Variants in SORBS2 observed in about 807,000 individuals in gnomAD.
SORBS2 encodes sorbin and SH3 domain-containing protein 2.
SORBS2 carries 46 observed loss-of-function variants against 97.7 expected under a neutral mutation model. The ratio of observed to expected loss-of-function variants is 0.47; its 90% CI spans 0.37 to 0.60. SORBS2 has a LOEUF of 0.60. Among genes scored for constraint, SORBS2 ranks in the 20% least tolerant of loss-of-function variants. SORBS2 has a pLI of 0.00. For synonymous variants in SORBS2, 476 were observed against 473.4 expected (o/e 1.01, Z -0.07); for missense variants, 1,316 against 1,282.3 (o/e 1.03, Z -0.40).
intron 1 of SORBS2, among the ~76,000 whole-genome samples, chr4:185,926,526 T>A (rs1233993564): frequency 6.7e-6 from 1 of 148,552 alleles, no homozygotes; most frequent in Non-Finnish European, 1.5e-5. Flanking sequence ...TTTGGACGTG[T>A]TGATTTGAAA....
intron 11 of SORBS2, among the ~76,000 whole-genome samples, chr4:185,613,208 T>C (rs1049563930): frequency 6.6e-5 from 10 of 152,172 alleles, no homozygotes; most frequent in African/African-American, 2.4e-4. Flanking sequence ...AAACAGTCAT[T>C]AATCTCAGCC....
chr4:185,593,945 A>G lies in SORBS2; in HGVS notation c.2797-10T>C. ...ACACAGGACGCTGTGGCTGAAATGAAATGATTTTCAATGTAATCAATGTTT... is the reference window on the plus strand; with the variant it reads ...ACACAGGACGCTGTGGCTGAAATGAGATGATTTTCAATGTAATCAATGTTT... On this transcript the variant is annotated splice_polypyrimidine_tract_variant and intron_variant, in intron 12 of 14. Transcript: ENST00000418609. The G allele has an allele frequency of 6.3e-7, 1 of 1,578,922 alleles. No homozygotes were observed. Among genetic ancestry groups the G allele is most frequent in the Non-Finnish European group, 8.7e-7 (1 of 1,148,056 alleles).
chr4:185,861,959 C>A (rs1337722265), intron 1 of SORBS2, among the ~76,000 whole-genome samples: 1 of 152,120 alleles, frequency 6.6e-6, no homozygotes, highest in Non-Finnish European at 1.5e-5. Context: ...TAGGGGGCAA[C>A]TGGAAGCTGG....
intron 4 of SORBS2, chr4:185,638,105 A>G: frequency 6.2e-7 from 1 of 1,610,592 alleles, no homozygotes; most frequent in Non-Finnish European, 8.5e-7. Flanking sequence ...AGTTCTGAAA[A>G]GAATTTATAC....
At chr4:185,751,190 A>AAAGAG in intron 2 of SORBS2, among the ~76,000 whole-genome samples, 1 of 86,426 alleles carries the variant, frequency 1.2e-5, no homozygotes, top group Non-Finnish European at 2.5e-5. Flanking sequence ...AAAAAAAAAA[A>AAAGAG]AGAGAAAGAG....
intron 1 of SORBS2, among the ~76,000 whole-genome samples, chr4:185,928,462 A>C (rs1295578345): frequency 6.6e-6 from 1 of 152,178 alleles, no homozygotes; most frequent in Non-Finnish European, 1.5e-5. Flanking sequence ...AAAGAGAAAA[A>C]CTACTTTATA....
At chr4:185,710,532 A>G (rs2098409826) in intron 2 of SORBS2, among the ~76,000 whole-genome samples, 1 of 152,226 alleles carries the variant, frequency 6.6e-6, no homozygotes, top group Non-Finnish European at 1.5e-5. Flanking sequence ...TGAAGATGGA[A>G]TGAATGTGTT....
intron 13 of SORBS2, among the ~76,000 whole-genome samples, chr4:185,591,656 A>C (rs1161265133): frequency 6.6e-6 from 1 of 152,050 alleles, no homozygotes; most frequent in Non-Finnish European, 1.5e-5. Flanking sequence ...GTTTTGATGG[A>C]TACACACGGC....
chr4:185,827,180 G>GTC (rs2099200780), intron 1 of SORBS2, among the ~76,000 whole-genome samples: 1 of 12,024 alleles, frequency 8.3e-5, no homozygotes, highest in East Asian at 4.1e-3. Context: ...ACCATCATCA[G>GTC]AATCACCATC....
chr4:185,875,003 A>C (rs537320090), intron 1 of SORBS2, among the ~76,000 whole-genome samples: 12 of 152,096 alleles, frequency 7.9e-5, no homozygotes, highest in African/African-American at 2.2e-4. Context: ...TCATGAAAGT[A>C]TAGGGGTGAC....
chr4:185,663,545 C>T lies in SORBS2; in HGVS notation c.-45-1303G>A, dbSNP rs140868760. 6.2e-3 allele frequency among the ~76,000 whole-genome samples: 944 copies of T among 152,176 alleles called. 14 individuals carry two copies. Among genetic ancestry groups the T allele is most frequent in the African/African-American group, 0.021 (875 of 41,464 alleles). On this transcript the variant is annotated intron_variant, in intron 4 of 20. Coordinates refer to the SORBS2 transcript ENST00000284776. ...GACCTGCTCCCTGGAGAGAGCTGGA[C>T]GTTCAAATAACTGTGAGGCACAGGC...
At chr4:185,819,184 G>A (rs1005786099) in intron 1 of SORBS2, among the ~76,000 whole-genome samples, 11 of 152,226 alleles carry the variant, frequency 7.2e-5, no homozygotes, top group African/African-American at 2.7e-4. Flanking sequence ...TCACTTGAAG[G>A]ATTGAGAAAT....
In SORBS2 at chr4:185,938,319, T is replaced by TGTAGTTC. The variant is rs1335487812; in HGVS notation, c.-338+17870_-338+17876dup. On this transcript the variant is annotated intron_variant, in intron 1 of 20. Transcript: ENST00000284776. ...GACCAAGAAATTATTCTTAACATTT[T>TGTAGTTC]GTAGTTCAGATATTCTTTTGATAAT... Among the ~76,000 whole-genome samples the TGTAGTTC allele has an allele frequency of 6.6e-5, 10 of 151,858 alleles. No homozygotes were observed. The South Asian group carries it at 1.5e-3, about 22-fold the overall frequency.
intron 2 of SORBS2, 31 bp from the exon 6 acceptor site, chr4:185,678,853 CT>C: frequency 7.4e-7 from 1 of 1,359,300 alleles, no homozygotes; most frequent in Non-Finnish European, 9.8e-7. Context: ...GAAATTAAGA[CT>C]AAGGTGAAAT....
chr4:185,638,448 G>C (rs944110227), intron 4 of SORBS2, among the ~76,000 whole-genome samples: 1 of 152,204 alleles, frequency 6.6e-6, no homozygotes, highest in Non-Finnish European at 1.5e-5. Context: ...ACTTACGCTT[G>C]AGGCATGAAC....
intron 1 of SORBS2, among the ~76,000 whole-genome samples, chr4:185,833,216 A>C (rs2099206101): frequency 6.6e-6 from 1 of 152,232 alleles, no homozygotes; most frequent in South Asian, 2.1e-4. Context: ...TGTCCAAGTA[A>C]TGTGAACATG....
intron 2 of SORBS2, 53 bp downstream of exon 4, chr4:185,690,509 C>G (rs6823546): frequency 7.9e-7 from 1 of 1,272,598 alleles, no homozygotes. Context: ...TTAGGGCCAA[C>G]ATGATTTTTA....
intron 1 of SORBS2, among the ~76,000 whole-genome samples, chr4:185,831,390 A>T (rs1022643521): frequency 6.6e-6 from 1 of 152,210 alleles, no homozygotes; most frequent in African/African-American, 2.4e-5. Flanking sequence ...TGACTTTGGA[A>T]ATAGTTTTCT....
intron 1 of SORBS2, among the ~76,000 whole-genome samples, chr4:185,941,399 T>C (rs2099271934): frequency 6.6e-6 from 1 of 152,176 alleles, no homozygotes; most frequent in South Asian, 2.1e-4. Context: ...TTATCTGTCT[T>C]TTCCCACTAA....
Sources: allele counts gnomAD v4.1 joint callset (sites outside exome capture counted in the v4.1 genomes callset), GRCh38; gene constraint gnomAD v4.1.1; transcripts MANE v1.5; gene names NCBI Gene and HGNC (gene_info 2026-07-23, HGNC 2026-07-21).